The following MGAT4C variants were observed in gnomAD, a reference collection of about 807,000 sequenced individuals.
MGAT4C encodes alpha-1,3-mannosyl-glycoprotein 4-beta-N-acetylglucosaminyltransferase C.
A neutral mutation model predicts 40.1 loss-of-function variants in MGAT4C; 19 were observed. That is an observed-to-expected ratio of 0.47 (90% confidence interval 0.33 to 0.70). The LOEUF is 0.70. Among genes scored for constraint, MGAT4C ranks in the 30% least tolerant of loss-of-function variants. The pLI is 0.02. For missense variants in MGAT4C, 491 were observed against 563.2 expected (o/e 0.87, Z 1.30); for synonymous variants, 181 against 187.1 (o/e 0.97, Z 0.27).
intron 4 of MGAT4C, among the ~76,000 whole-genome samples, chr12:86,264,103 T>C (rs915612802): frequency 1.3e-5 from 2 of 152,162 alleles, no homozygotes; most frequent in African/African-American, 4.8e-5. Flanking sequence ...AAATGCATAG[T>C]CTGCAAATAT....
chr12:86,414,100 C>T (rs116284953), intron 3 of MGAT4C, among the ~76,000 whole-genome samples: 235 of 151,656 alleles, frequency 1.5e-3, no homozygotes, highest in African/African-American at 5.5e-3. Flanking sequence ...TGAAAAGCAA[C>T]TTGAATAAAG....
At chr12:86,238,976 T>C (rs766932083) in intron 1 of MGAT4C, among the ~76,000 whole-genome samples, 10 of 152,122 alleles carry the variant, frequency 6.6e-5, no homozygotes, top group Non-Finnish European at 1.2e-4. Context: ...AAGACTCATG[T>C]TTTAACATCA....
At chr12:86,601,763 C>G (rs1012739256) in intron 2 of MGAT4C, among the ~76,000 whole-genome samples, 1 of 152,200 alleles carries the variant, frequency 6.6e-6, no homozygotes, top group Non-Finnish European at 1.5e-5. Context: ...GGGGCCGGAG[C>G]GGGGCAGAGG....
chr12:86,382,031 C>G (rs1955941199), intron 3 of MGAT4C, among the ~76,000 whole-genome samples: 1 of 152,132 alleles, frequency 6.6e-6, no homozygotes, highest in African/African-American at 2.4e-5. Flanking sequence ...TTGGGTATGT[C>G]TTTATCCCGA....
At chr12:86,812,254 T>C (rs1329175660) in intron 1 of MGAT4C, among the ~76,000 whole-genome samples, 3 of 152,086 alleles carry the variant, frequency 2.0e-5, no homozygotes, top group Admixed American at 2.0e-4. Context: ...TGTTGATTGT[T>C]GAAAAATGTG....
chr12:86,196,759 T>C (rs1356049511), intron 1 of MGAT4C, among the ~76,000 whole-genome samples: 1 of 152,210 alleles, frequency 6.6e-6, no homozygotes, highest in Non-Finnish European at 1.5e-5. Context: ...ATTAAATCCA[T>C]AGGTAATCTC....
chr12:86,038,540 C>CTTTATTTA (rs143349417), intron 2 of MGAT4C, among the ~76,000 whole-genome samples: 35,678 of 144,066 alleles, frequency 0.25, 6,010 homozygotes, highest in African/African-American at 0.27. Flanking sequence ...TCAACCCTTG[C>CTTTATTTA]TTTATTTATT....
At chr12:86,161,481 C>T (rs1885583739) in intron 1 of MGAT4C, among the ~76,000 whole-genome samples, 1 of 152,128 alleles carries the variant, frequency 6.6e-6, no homozygotes, top group African/African-American at 2.4e-5. Context: ...TGGACCCTAC[C>T]TTTCACCATA....
intron 2 of MGAT4C, among the ~76,000 whole-genome samples, chr12:86,045,524 A>G (rs1438979182): frequency 6.6e-6 from 1 of 152,180 alleles, no homozygotes; most frequent in Non-Finnish European, 1.5e-5. Flanking sequence ...AGGTGGAGAG[A>G]AATACTTTAA....
chr12:86,695,877 A>C (rs950613734), intron 2 of MGAT4C, among the ~76,000 whole-genome samples: 2 of 152,094 alleles, frequency 1.3e-5, no homozygotes, highest in Non-Finnish European at 2.9e-5. Context: ...CAACAGGGTG[A>C]CTATCATCAA....
At chr12:86,176,690 A>AT (rs1293249316) in intron 1 of MGAT4C, among the ~76,000 whole-genome samples, 1 of 151,478 alleles carries the variant, frequency 6.6e-6, no homozygotes, top group African/African-American at 2.4e-5. Flanking sequence ...GGATATTCTG[A>AT]TTTTTTATAA....
chr12:86,228,810 G>A (rs987836250), intron 1 of MGAT4C, among the ~76,000 whole-genome samples: 7 of 151,884 alleles, frequency 4.6e-5, no homozygotes, highest in African/African-American at 1.7e-4. Context: ...ACAGCTAGGA[G>A]AATTAATTCT....
intron 1 of MGAT4C, among the ~76,000 whole-genome samples, chr12:86,173,761 G>T (rs58024273): frequency 0.085 from 12,858 of 151,544 alleles, 646 homozygotes; most frequent in Middle Eastern, 0.22. Flanking sequence ...ATATAGTTTT[G>T]GACTGAAAAA....
chr12:86,147,842 AT>A (rs1883750449), intron 1 of MGAT4C, among the ~76,000 whole-genome samples: 1 of 152,168 alleles, frequency 6.6e-6, no homozygotes, highest in African/African-American at 2.4e-5. Flanking sequence ...GTAAATTATG[AT>A]ATATAGGTAA....
intron 3 of MGAT4C, among the ~76,000 whole-genome samples, chr12:86,341,559 T>C (rs1351319832): frequency 6.6e-6 from 1 of 152,200 alleles, no homozygotes; most frequent in Non-Finnish European, 1.5e-5. Flanking sequence ...TTAGACCCAC[T>C]GGCTTAAAAT....
intron 2 of MGAT4C, among the ~76,000 whole-genome samples, chr12:86,633,056 T>G (rs1049136136): frequency 1.2e-4 from 18 of 151,886 alleles, no homozygotes; most frequent in Non-Finnish European, 2.4e-4. Context: ...AAATATATAT[T>G]ATATATTTGA....
intron 4 of MGAT4C, among the ~76,000 whole-genome samples, chr12:86,330,449 G>A (rs975918338): frequency 6.6e-6 from 1 of 152,176 alleles, no homozygotes; most frequent in African/African-American, 2.4e-5. Flanking sequence ...GTCAAGGAGT[G>A]CCAGCCAGAA....
chr12:86,767,855 T>C (rs1485065928), intron 1 of MGAT4C, among the ~76,000 whole-genome samples: 1 of 152,220 alleles, frequency 6.6e-6, no homozygotes, highest in Non-Finnish European at 1.5e-5. Flanking sequence ...TAAGTATTGA[T>C]GGGACGTATC....
chr12:86,625,762 T>A (rs1962784705), intron 2 of MGAT4C, among the ~76,000 whole-genome samples: 1 of 152,018 alleles, frequency 6.6e-6, no homozygotes, highest in African/African-American at 2.4e-5. Context: ...GAATTATATC[T>A]ACTGAGAAAT....
Sources: allele counts gnomAD v4.1 joint callset (sites outside exome capture counted in the v4.1 genomes callset), GRCh38; gene constraint gnomAD v4.1.1; transcripts MANE v1.5; gene names NCBI Gene and HGNC (gene_info 2026-07-23, HGNC 2026-07-21).